The following TMCO4 variants were observed in gnomAD, a reference collection of about 807,000 sequenced individuals.
The protein encoded by TMCO4 is transmembrane and coiled-coil domain-containing protein 4.
A neutral mutation model predicts 64.7 loss-of-function variants in TMCO4; 58 were observed. The ratio of observed to expected loss-of-function variants is 0.90; its 90% CI spans 0.73 to 1.12. TMCO4 has a LOEUF of 1.12. Ranked by LOEUF, TMCO4 falls within the 50% of genes most tolerant of loss-of-function variation. The probability of loss-of-function intolerance (pLI) is 0.00; values close to 1 mark genes in which losing one functional copy is unlikely to be tolerated. For missense variants in TMCO4, 780 were observed against 825.9 expected (o/e 0.94, Z 0.68); for synonymous variants, 325 against 346.1 (o/e 0.94, Z 0.68).
rs1380955449 is a variant in TMCO4 at position 19,725,128 on chromosome 1, C to T, written c.1264+12244G>A. On this transcript the variant is annotated intron_variant, in intron 13 of 15. Coordinates refer to ENST00000294543, the MANE Select transcript of TMCO4 (RefSeq NM_181719.7). ...CTAGGAAAAGTGATCAAATTGAGCC[C>T]GCTTACAGATGGCAAACAGATGGGG... Among the ~76,000 whole-genome samples the T allele has an allele frequency of 2.6e-5, 4 of 152,234 alleles. No individual in the cohort carries two copies. In the South Asian group the frequency reaches 6.2e-4, roughly 24 times the overall value.
At chr1:19,697,852 G>A (rs889563560) in intron 14 of TMCO4, among the ~76,000 whole-genome samples, 10 of 150,788 alleles carry the variant, frequency 6.6e-5, no homozygotes, top group Admixed American at 2.0e-4. Context: ...GGGCTCAAGC[G>A]ATCCTCCTGC....
At chr1:19,701,013 CAT>C (rs765884193) in intron 13 of TMCO4, 128 bp from the exon 14 acceptor site, 68 of 732,520 alleles carry the variant, frequency 9.3e-5, no homozygotes, top group South Asian at 3.0e-4. Context: ...CGTGGACAAT[CAT>C]GTGCAAATGT....
intron 3 of TMCO4, among the ~76,000 whole-genome samples, chr1:19,781,853 A>G (rs528332093): frequency 1.2e-4 from 19 of 152,208 alleles, no homozygotes; most frequent in South Asian, 8.3e-4. Context: ...TCACTGTGTT[A>G]GCCAGGATGG....
chr1:19,753,746 C>A (rs1409872797), intron 7 of TMCO4, among the ~76,000 whole-genome samples: 2 of 152,182 alleles, frequency 1.3e-5, no homozygotes, highest in Non-Finnish European at 2.9e-5. Flanking sequence ...GGTCTCCTGG[C>A]TGAACAGTTG....
At chr1:19,768,398 T>C (rs1336562642) in intron 6 of TMCO4, among the ~76,000 whole-genome samples, 1 of 152,182 alleles carries the variant, frequency 6.6e-6, no homozygotes, top group Non-Finnish European at 1.5e-5. Context: ...TCAGATACTA[T>C]TATTCTTCCC....
At chr1:19,688,941 G>C (rs1210349536) in intron 15 of TMCO4, among the ~76,000 whole-genome samples, 1 of 152,152 alleles carries the variant, frequency 6.6e-6, no homozygotes, top group Non-Finnish European at 1.5e-5. Flanking sequence ...TTGGTCCCTG[G>C]GGTGGCAAAT....
At chr1:19,779,014 G>A (rs1389756459) in intron 4 of TMCO4, among the ~76,000 whole-genome samples, 7 of 152,080 alleles carry the variant, frequency 4.6e-5, no homozygotes, top group Non-Finnish European at 1.0e-4. Flanking sequence ...TAACCCCCAA[G>A]GAGTTGAGTA....
intron 14 of TMCO4, among the ~76,000 whole-genome samples, chr1:19,700,221 G>A (rs530188223): frequency 1.1e-3 from 168 of 152,112 alleles, no homozygotes; most frequent in Non-Finnish European, 2.0e-3. Flanking sequence ...CAGCCTTCAC[G>A]GGCCCCCTCC....
intron 6 of TMCO4, among the ~76,000 whole-genome samples, chr1:19,770,218 C>A (rs528243250): frequency 2.6e-4 from 40 of 152,304 alleles, no homozygotes; most frequent in African/African-American, 7.0e-4. Flanking sequence ...AGTGAGAAGG[C>A]CCTGCTGTTA....
At chr1:19,759,383 G>A (rs781401774) in intron 6 of TMCO4, among the ~76,000 whole-genome samples, 1 of 152,136 alleles carries the variant, frequency 6.6e-6, no homozygotes, top group Non-Finnish European at 1.5e-5. Context: ...AGCAGCCACT[G>A]AGCTTCTTTA....
chr1:19,693,059 G>A (rs12403945), intron 15 of TMCO4, among the ~76,000 whole-genome samples: 29,800 of 149,044 alleles, frequency 0.2, 3,409 homozygotes, highest in African/African-American at 0.32. Flanking sequence ...TGTGGTCCCA[G>A]CTACTCAGGA....
At position 19,781,641 on chromosome 1, in the gene TMCO4, CTT is replaced by C. The variant is rs1202912744; in HGVS notation, c.-8-877_-8-876del. 3.1e-3 allele frequency among the ~76,000 whole-genome samples: 422 copies of C among 134,364 alleles called. 2 individuals are homozygous for C. Among genetic ancestry groups the C allele is most frequent in the African/African-American group, 0.01 (374 of 36,520 alleles). 88.1% of individuals were successfully genotyped at this position (134,364 alleles called of 152,430 possible). A position where few individuals can be genotyped will look rare whatever the true frequency, so the allele number is the denominator to read the frequency against. Reference sequence around the variant, plus strand: ...GAGGATGAAGAGCAAACAGAACTTTCTTTTTTTTTTTTTTTTTTCTTTTGAGA... The same window carrying C: ...GAGGATGAAGAGCAAACAGAACTTTCTTTTTTTTTTTTTTTTCTTTTGAGA... On this transcript the variant is annotated intron_variant, in intron 3 of 15. Transcript: ENST00000294543.
rs749125951 is a variant in TMCO4 at position 19,780,696 on chromosome 1, A to T, written c.63T>A (p.Thr21=). The change falls in exon 4 of 16, where the codon ACT becomes ACA. Residue 21 remains threonine, a synonymous_variant. Transcript: ENST00000294543. ...TGGGCAGGTGTGGCTCCCCCTCTGC[A>T]GTGGGCTCAGCTACCAGAGGCTGCT... ...LPQQPLVAEP[T]AEGEPHLPTG... 2.5e-6 allele frequency: 4 copies of T among 1,613,540 alleles called. No homozygotes were observed. The highest frequency in any genetic ancestry group is 3.4e-6 in the Non-Finnish European group (4 of 1,179,900).
intron 15 of TMCO4, among the ~76,000 whole-genome samples, chr1:19,688,567 T>C (rs1293640757): frequency 6.6e-6 from 1 of 152,166 alleles, no homozygotes; most frequent in Non-Finnish European, 1.5e-5. Context: ...ATAATACATG[T>C]AACAGGCTTA....
rs761646239 is a variant in TMCO4 at position 19,740,855 on chromosome 1, C to T, written c.964G>A (p.Gly322Ser). Residue 322 changes from glycine to serine, a missense_variant, in exon 11 of 16, where the codon GGC (glycine) becomes AGC (serine). Coordinates refer to ENST00000294543, the MANE Select transcript of TMCO4 (RefSeq NM_181719.7). ...AWEAKYLMEL[G>S]NALETILSGL... ...CTGAGGATGGTCTCCAGGGCATTGC[C>T]GAGCTCCATCAGGTACTTGGCTTCC... is the stretch of plus-strand genomic sequence containing the variant. The T allele has an allele frequency of 1.4e-5, 23 of 1,614,144 alleles. No homozygotes were observed. The highest frequency in any genetic ancestry group is 1.7e-4 in the Middle Eastern group (1 of 6,060).
chr1:19,698,858 AT>A (rs1473234601), intron 14 of TMCO4, among the ~76,000 whole-genome samples: 2 of 152,238 alleles, frequency 1.3e-5, no homozygotes, highest in Non-Finnish European at 2.9e-5. Context: ...CACTGCACAC[AT>A]GCAATTTTAA....
At chr1:19,766,204 G>A (rs560202820) in intron 6 of TMCO4, among the ~76,000 whole-genome samples, 10 of 151,942 alleles carry the variant, frequency 6.6e-5, no homozygotes, top group Non-Finnish European at 1.2e-4. Flanking sequence ...CCCACCATGC[G>A]TCCATCCGTG....
At chr1:19,694,638 G>T (rs2095223546) in intron 14 of TMCO4, 87 bp from the exon 15 acceptor site, 12 of 1,268,454 alleles carry the variant, frequency 9.5e-6, no homozygotes, top group South Asian at 4.0e-5. Context: ...TCCTGGGGAA[G>T]CCAGGTGGGA....
intron 15 of TMCO4, among the ~76,000 whole-genome samples, chr1:19,687,994 G>A (rs753743870): frequency 4.6e-5 from 7 of 152,166 alleles, no homozygotes; most frequent in Non-Finnish European, 5.9e-5. Flanking sequence ...GAGGCAGGTC[G>A]GGAAAGAGCC....
Sources: allele counts gnomAD v4.1 joint callset (sites outside exome capture counted in the v4.1 genomes callset), GRCh38; gene constraint gnomAD v4.1.1; transcripts MANE v1.5; gene names NCBI Gene and HGNC (gene_info 2026-07-23, HGNC 2026-07-21).